Variants in CSMD1 observed in about 807,000 individuals in gnomAD.
CSMD1 encodes the protein CUB and sushi domain-containing protein 1.
A neutral mutation model predicts 417.5 loss-of-function variants in CSMD1; 213 were observed. The ratio of observed to expected loss-of-function variants is 0.51; its 90% CI spans 0.46 to 0.57. CSMD1 has a LOEUF of 0.57. CSMD1 is among the 20% of genes least tolerant of loss of function. The probability of loss-of-function intolerance (pLI) is 0.00; values close to 1 mark genes in which losing one functional copy is unlikely to be tolerated. For missense variants in CSMD1, 6,923 were observed against 4,529.7 expected, an observed-to-expected ratio of 1.53 and a Z score of -15.17; for synonymous variants, 2,862 against 1,736.8, an observed-to-expected ratio of 1.65 and a Z score of -16.11.
chr8:3,772,628 CAT>C (rs71897503), intron 5 of CSMD1, among the ~76,000 whole-genome samples: 13 of 107,114 alleles, frequency 1.2e-4, no homozygotes, highest in East Asian at 3.1e-4. Context: ...CATATATACA[CAT>C]ATATTTATAT....
At chr8:3,712,965 T>G (rs545449020) in intron 6 of CSMD1, among the ~76,000 whole-genome samples, 1 of 152,182 alleles carries the variant, frequency 6.6e-6, no homozygotes, top group Non-Finnish European at 1.5e-5. Context: ...ATGTATTGTG[T>G]GCTTCAAAGG....
At chr8:4,463,280 G>C (rs1412934719) in intron 2 of CSMD1, among the ~76,000 whole-genome samples, 1 of 147,916 alleles carries the variant, frequency 6.8e-6, no homozygotes, top group Non-Finnish European at 1.5e-5. Context: ...CAAAAAGACA[G>C]TTAGTAAGTG....
chr8:3,577,508 T>G (rs771271625), intron 9 of CSMD1, among the ~76,000 whole-genome samples: 9 of 152,236 alleles, frequency 5.9e-5, no homozygotes, highest in Non-Finnish European at 1.2e-4. Context: ...AATGGTCATC[T>G]AAAATGAATA....
intron 5 of CSMD1, among the ~76,000 whole-genome samples, chr8:3,831,494 G>T (rs1162306019): frequency 6.6e-6 from 1 of 152,170 alleles, no homozygotes; most frequent in Non-Finnish European, 1.5e-5. Flanking sequence ...GAAGCCCACA[G>T]TGTAGATGCT....
intron 1 of CSMD1, among the ~76,000 whole-genome samples, chr8:4,853,963 AT>A (rs139840325): frequency 6.6e-6 from 1 of 151,900 alleles, no homozygotes; most frequent in African/African-American, 2.4e-5. Flanking sequence ...TCTTTTGGCC[AT>A]TTTTTTTCCT....
chr8:3,533,770 C>G (rs1274103150), intron 10 of CSMD1, among the ~76,000 whole-genome samples: 4 of 152,136 alleles, frequency 2.6e-5, no homozygotes, highest in Non-Finnish European at 4.4e-5. Flanking sequence ...TTTTACTTTC[C>G]TTACTCTTGT....
chr8:3,457,279 A>T (rs1224498373), intron 12 of CSMD1, among the ~76,000 whole-genome samples: 1 of 151,466 alleles, frequency 6.6e-6, no homozygotes, highest in African/African-American at 2.4e-5. Context: ...TGTACCCCTC[A>T]TCTTCACCCC....
At position 4,296,613 on chromosome 8, in the gene CSMD1, T is replaced by A. The variant is rs945615125; in HGVS notation, c.415+123340A>T. 3.1e-4 allele frequency among the ~76,000 whole-genome samples: 4 copies of A among 12,868 alleles called. No individual in the cohort carries two copies. The Non-Finnish European group carries it at 0.039, about 126-fold the overall frequency. The allele number at this position is 12,868 out of a possible 152,430, so 8.4% of individuals were successfully genotyped here. On this transcript the variant is annotated intron_variant, in intron 3 of 69. Transcript: ENST00000635120. ...GGTACATTTACTTCATATTTTATAA[T>A]AGTTTGTTATTTAGTTAATATTCAC...
chr8:4,909,251 A>G (rs1047831631), intron 1 of CSMD1, among the ~76,000 whole-genome samples: 2 of 152,130 alleles, frequency 1.3e-5, no homozygotes, highest in African/African-American at 4.8e-5. Context: ...CCTTCCTACT[A>G]GCTGTGAGTC....
At chr8:3,647,806 T>C (rs1797653164) in intron 7 of CSMD1, among the ~76,000 whole-genome samples, 1 of 152,172 alleles carries the variant, frequency 6.6e-6, no homozygotes, top group Non-Finnish European at 1.5e-5. Context: ...GAAAAGTAAA[T>C]ATGGCAAATG....
At chr8:3,755,604 G>A (rs977960763) in intron 5 of CSMD1, among the ~76,000 whole-genome samples, 3 of 152,090 alleles carry the variant, frequency 2.0e-5, no homozygotes, top group Admixed American at 6.5e-5. Context: ...CCTACGAAAT[G>A]GGTCACCTGT....
At chr8:4,430,401 C>T (rs938216214) in intron 2 of CSMD1, among the ~76,000 whole-genome samples, 1 of 152,114 alleles carries the variant, frequency 6.6e-6, no homozygotes, top group African/African-American at 2.4e-5. Context: ...TTGTTTACCT[C>T]ATGGTTATGA....
intron 3 of CSMD1, among the ~76,000 whole-genome samples, chr8:4,392,434 G>C (rs527394318): frequency 1.1e-4 from 17 of 152,108 alleles, no homozygotes; most frequent in Non-Finnish European, 1.8e-4. Context: ...TGAAGCCAAA[G>C]AACGTAAACT....
intron 3 of CSMD1, among the ~76,000 whole-genome samples, chr8:4,295,787 TAC>T (rs1286614822): frequency 0.28 from 4,126 of 14,620 alleles, 68 homozygotes; most frequent in South Asian, 0.38. Flanking sequence ...TATATATATA[TAC>T]ACACACACAT....
At chr8:4,070,388 C>T (rs1010976307) in intron 3 of CSMD1, among the ~76,000 whole-genome samples, 12 of 152,226 alleles carry the variant, frequency 7.9e-5, no homozygotes, top group South Asian at 2.1e-4. Flanking sequence ...GACAGAGTCT[C>T]GCTGTGTCGC....
chr8:4,278,417 G>C lies in CSMD1; in HGVS notation c.415+141536C>G, dbSNP rs184726887. Among the ~76,000 whole-genome samples, 8 of 152,246 alleles carry C rather than the reference G, an allele frequency of 5.3e-5. No homozygotes were observed. The East Asian group carries it at 7.7e-4, about 15-fold the overall frequency. On this transcript the variant is annotated intron_variant, in intron 3 of 69. Transcript: ENST00000635120. ...AATATGAATACATATTGAGCCACATGATACAATTACATCTGATGCTGCTAT... is the reference window on the plus strand; with the variant it reads ...AATATGAATACATATTGAGCCACATCATACAATTACATCTGATGCTGCTAT...
chr8:4,543,218 A>G (rs1164827040), intron 2 of CSMD1, among the ~76,000 whole-genome samples: 2 of 152,170 alleles, frequency 1.3e-5, no homozygotes, highest in Non-Finnish European at 2.9e-5. Context: ...TGCCAAATGT[A>G]CAAAGTCATG....
rs554227908 is a variant in CSMD1, at chr8:4,007,698, G to C, written c.611-9588C>G. 2.6e-3 allele frequency among the ~76,000 whole-genome samples: 394 copies of C among 151,766 alleles called. 4 individuals carry two copies. Among genetic ancestry groups the C allele is most frequent in the African/African-American group, 9.3e-3 (385 of 41,364 alleles). ...TTCCTCTTTTTTTTTTTCATGCAAT[G>C]AATGAAAATTGAATGACTCTGGCTT... is the stretch of plus-strand genomic sequence containing the variant. On this transcript the variant is annotated intron_variant, in intron 4 of 69. Coordinates refer to ENST00000635120, the MANE Select transcript of CSMD1 (RefSeq NM_033225.6).
intron 3 of CSMD1, among the ~76,000 whole-genome samples, chr8:4,215,847 G>C (rs953528489): frequency 6.6e-6 from 1 of 152,096 alleles, no homozygotes; most frequent in African/African-American, 2.4e-5. Flanking sequence ...AAAAGGCAGG[G>C]TTTATGTGAT....
Sources: allele counts gnomAD v4.1 joint callset (sites outside exome capture counted in the v4.1 genomes callset), GRCh38; gene constraint gnomAD v4.1.1; transcripts MANE v1.5; gene names NCBI Gene and HGNC (gene_info 2026-07-23, HGNC 2026-07-21).